The following PUM2 variants were observed in gnomAD, a reference collection of about 807,000 sequenced individuals.
PUM2 encodes the protein pumilio homolog 2.
Under a neutral mutation model 124.5 loss-of-function variants are expected in PUM2, and 57 were observed. The observed-to-expected ratio is 0.46, with a 90% confidence interval of 0.37 to 0.57. The LOEUF (loss-of-function observed/expected upper bound fraction) is 0.57, where lower values mean the gene tolerates loss of function less well. PUM2 is among the 20% of genes least tolerant of loss of function. The pLI, the probability that PUM2 is intolerant of heterozygous loss-of-function variation, is 0.00. For missense variants in PUM2, 1,065 were observed against 1,290.6 expected, an observed-to-expected ratio of 0.83 and a Z score of 2.68; for synonymous variants, 460 against 446.1, an observed-to-expected ratio of 1.03 and a Z score of -0.39.
chr2:20,345,532 C>G (rs1366395801), intron 1 of PUM2, among the ~76,000 whole-genome samples: 1 of 152,166 alleles, frequency 6.6e-6, no homozygotes, highest in Non-Finnish European at 1.5e-5. Context: ...CACCGTATCA[C>G]CAGCATCTAA....
At chr2:20,312,059 A>G (rs1679728721) in intron 4 of PUM2, among the ~76,000 whole-genome samples, 177 bp downstream of exon 4, 1 of 152,196 alleles carries the variant, frequency 6.6e-6, no homozygotes. Flanking sequence ...CATATTTCCA[A>G]TGGTTCTATC....
chr2:20,351,108 C>G (rs1689296203), upstream of PUM2, among the ~76,000 whole-genome samples: 1 of 152,214 alleles, frequency 6.6e-6, no homozygotes, highest in Non-Finnish European at 1.5e-5. Context: ...CGCAGGCGTA[C>G]TGTTGCCAAA....
At chr2:20,263,541 G>T in intron 13 of PUM2, 81 bp from the exon 14 acceptor site, 1 of 1,437,906 alleles carries the variant, frequency 7.0e-7, no homozygotes, top group Non-Finnish European at 9.4e-7. Context: ...TACAAATTCA[G>T]TCAATAAAGA....
chr2:20,253,797 A>G (rs767918796), intron 20 of PUM2, 25 bp downstream of exon 20: 10 of 1,569,886 alleles, frequency 6.4e-6, no homozygotes, highest in Admixed American at 1.7e-5. Flanking sequence ...ACAAACAGTT[A>G]TCTGAGTGTT....
chr2:20,286,558 T>C (rs1672786670), intron 10 of PUM2, among the ~76,000 whole-genome samples: 1 of 152,232 alleles, frequency 6.6e-6, no homozygotes, highest in South Asian at 2.1e-4. Context: ...TCTCTGAGGT[T>C]ATCAACTTTA....
intron 17 of PUM2, 62 bp downstream of exon 17, chr2:20,255,971 T>C: frequency 7.0e-7 from 1 of 1,435,774 alleles, no homozygotes; most frequent in Non-Finnish European, 9.2e-7. Context: ...AAAAACGTGT[T>C]GATATTCAAA....
chr2:20,330,795 G>T (rs193270256), intron 1 of PUM2, among the ~76,000 whole-genome samples: 6 of 152,212 alleles, frequency 3.9e-5, no homozygotes, highest in Non-Finnish European at 8.8e-5. Context: ...GACAACCTAC[G>T]ACTTGCAACT....
chr2:20,251,666 T>A lies in PUM2; in HGVS notation c.3114A>T (p.Ile1038=). Residue 1038 remains isoleucine, a synonymous_variant, in exon 21 of 21, where the codon ATA becomes ATT. Transcript: ENST00000361078. Reference sequence around the variant, plus strand: ...AATAATACTTTTCCAACTTGGCCAGTATATGCTTCCCGTATGTGTATTTGC... The same window carrying A: ...AATAATACTTTTCCAACTTGGCCAGAATATGCTTCCCGTATGTGTATTTGC... ...TLRKYTYGKH[I]LAKLEKYYLK... 6.2e-7 allele frequency: 1 copy of A among 1,613,598 alleles called. No homozygotes were observed.
upstream of PUM2, among the ~76,000 whole-genome samples, chr2:20,351,041 C>T (rs1689284735): frequency 6.6e-6 from 1 of 152,202 alleles, no homozygotes; most frequent in Non-Finnish European, 1.5e-5. Flanking sequence ...CCTCCCCCGC[C>T]CTCACCTTGC....
chr2:20,332,972 C>G, intron 1 of PUM2: 1 of 152,088 alleles, frequency 6.6e-6, no homozygotes. Context: ...CTTACCAACA[C>G]AGAAATATAC....
intron 14 of PUM2, 84 bp from the exon 15 acceptor site, chr2:20,260,550 G>GC: frequency 2.5e-6 from 3 of 1,189,892 alleles, no homozygotes; most frequent in Non-Finnish European, 3.5e-6. Flanking sequence ...TATATGCACT[G>GC]CAAGTTATTT....
At chr2:20,274,939 C>T (rs1669847572) in intron 13 of PUM2, among the ~76,000 whole-genome samples, 1 of 27,842 alleles carries the variant, frequency 3.6e-5, no homozygotes, top group Non-Finnish European at 7.2e-5. Flanking sequence ...ATGTTCTTCA[C>T]AACAAGTGAA....
chr2:20,304,915 T>C (rs1677853972), intron 7 of PUM2, among the ~76,000 whole-genome samples: 1 of 152,242 alleles, frequency 6.6e-6, no homozygotes, highest in African/African-American at 2.4e-5. Flanking sequence ...CTGCAAATTA[T>C]ATGGTACATA....
intron 1 of PUM2, among the ~76,000 whole-genome samples, chr2:20,345,514 C>T (rs570917056): frequency 6.6e-6 from 1 of 152,246 alleles, no homozygotes; most frequent in African/African-American, 2.4e-5. Context: ...AAAACAAGGA[C>T]CACATATCAC....
intron 7 of PUM2, among the ~76,000 whole-genome samples, chr2:20,303,702 G>A (rs1462996558): frequency 6.6e-6 from 1 of 152,040 alleles, no homozygotes; most frequent in African/African-American, 2.4e-5. Flanking sequence ...TTACCATAGG[G>A]AATTTCAGTG....
intron 16 of PUM2, 147 bp from the exon 17 acceptor site, chr2:20,256,317 T>C (rs1664744651): frequency 2.7e-6 from 2 of 753,732 alleles, no homozygotes; most frequent in South Asian, 3.0e-5. Context: ...CACAAATATA[T>C]TCACAAATAT....
At chr2:20,296,955 A>G (rs546178867) in intron 8 of PUM2, among the ~76,000 whole-genome samples, 19 of 152,178 alleles carry the variant, frequency 1.2e-4, no homozygotes, top group African/African-American at 4.6e-4. Flanking sequence ...TCGGCATCCC[A>G]AAGAGCTAGG....
intron 3 of PUM2, among the ~76,000 whole-genome samples, chr2:20,313,877 T>G (rs1680262626): frequency 7.4e-6 from 1 of 135,588 alleles, no homozygotes; most frequent in Non-Finnish European, 1.6e-5. Context: ...GGGCAGTGAC[T>G]CACTCCTGTA....
intron 13 of PUM2, among the ~76,000 whole-genome samples, chr2:20,269,010 T>A (rs2148677523): frequency 6.6e-6 from 1 of 152,198 alleles, no homozygotes; most frequent in East Asian, 1.9e-4. Flanking sequence ...CTAAATAACT[T>A]ATCCAAGAAA....
Sources: allele counts gnomAD v4.1 joint callset (sites outside exome capture counted in the v4.1 genomes callset), GRCh38; gene constraint gnomAD v4.1.1; transcripts MANE v1.5; gene names NCBI Gene and HGNC (gene_info 2026-07-23, HGNC 2026-07-21).